The following ANO2 variants were observed in gnomAD, a reference collection of about 807,000 sequenced individuals.
ANO2 encodes the protein anoctamin-2.
In ANO2, 101 loss-of-function variants were observed where a neutral mutation model predicts 124.2. The ratio of observed to expected loss-of-function variants is 0.81; its 90% CI spans 0.69 to 0.96. The LOEUF is 0.96. ANO2 is among the 40% of genes least tolerant of loss of function. The pLI is 0.00. For missense variants in ANO2, 1,293 were observed against 1,274.5 expected, an observed-to-expected ratio of 1.01 and a Z score of -0.22; for synonymous variants, 486 against 482.5, an observed-to-expected ratio of 1.01 and a Z score of -0.09.
intron 4 of ANO2, among the ~76,000 whole-genome samples, chr12:5,845,427 C>T (rs1954651295): frequency 1.3e-5 from 2 of 151,728 alleles, no homozygotes; most frequent in Non-Finnish European, 2.9e-5. Flanking sequence ...ATTAGCTGGG[C>T]GTGGTGGCAG....
intron 14 of ANO2, among the ~76,000 whole-genome samples, chr12:5,712,747 G>A (rs751422731): frequency 1.3e-5 from 2 of 152,158 alleles, no homozygotes; most frequent in African/African-American, 2.4e-5. Flanking sequence ...AGTTTTCTAG[G>A]ACAAGAAGGA....
chr12:5,748,575 G>A (rs1278247479), intron 11 of ANO2, among the ~76,000 whole-genome samples: 1 of 152,130 alleles, frequency 6.6e-6, no homozygotes, highest in Admixed American at 6.5e-5. Flanking sequence ...TGTAGCATAA[G>A]TTTCTCAATC....
intron 23 of ANO2, among the ~76,000 whole-genome samples, chr12:5,566,015 TG>T (rs1941727897): frequency 6.6e-6 from 1 of 152,194 alleles, no homozygotes; most frequent in African/African-American, 2.4e-5. Context: ...CCCACTAGCC[TG>T]TGGCCTCTGT....
chr12:5,781,420 C>T (rs780053412), intron 10 of ANO2, among the ~76,000 whole-genome samples: 72 of 152,298 alleles, frequency 4.7e-4, no homozygotes, highest in Middle Eastern at 3.4e-3. Context: ...AGCTGAGTCT[C>T]TGGATTCTGT....
intron 14 of ANO2, among the ~76,000 whole-genome samples, chr12:5,656,973 C>T (rs1315111631): frequency 1.3e-5 from 2 of 152,156 alleles, no homozygotes; most frequent in East Asian, 1.9e-4. Context: ...AGGTCATCTA[C>T]GGATTGGGAG....
At chr12:5,661,320 A>T (rs1219329919) in intron 14 of ANO2, among the ~76,000 whole-genome samples, 1 of 152,142 alleles carries the variant, frequency 6.6e-6, no homozygotes, top group East Asian at 1.9e-4. Context: ...ACCTTAGAGC[A>T]TTTGTTTAAA....
chr12:5,657,149 C>T (rs1222929766), intron 14 of ANO2, among the ~76,000 whole-genome samples: 1 of 152,212 alleles, frequency 6.6e-6, no homozygotes, highest in East Asian at 1.9e-4. Flanking sequence ...CAGATAGGAG[C>T]TGGTCCCAGA....
chr12:5,631,503 G>A (rs1261461706), intron 16 of ANO2, among the ~76,000 whole-genome samples: 25 of 152,320 alleles, frequency 1.6e-4, no homozygotes, highest in Admixed American at 1.6e-3. Flanking sequence ...AGCAAAATGA[G>A]AGCAGGGACC....
chr12:5,671,441 TACAAAGAAAGAG>T (rs1947997307), intron 14 of ANO2, among the ~76,000 whole-genome samples: 1 of 121,394 alleles, frequency 8.2e-6, no homozygotes, highest in Non-Finnish European at 1.6e-5. Flanking sequence ...TGCTCTACAG[TACAAAGAAAGAG>T]AGGTTTTCTC....
intron 14 of ANO2, among the ~76,000 whole-genome samples, chr12:5,680,300 G>A (rs565636832): frequency 1.3e-5 from 2 of 152,126 alleles, no homozygotes; most frequent in African/African-American, 4.8e-5. Context: ...TAAAATAAAA[G>A]TTAATGAAAA....
At chr12:5,612,611 A>G (rs1944595982) in intron 19 of ANO2, 45 bp downstream of exon 19, 1 of 1,555,246 alleles carries the variant, frequency 6.4e-7, no homozygotes, top group East Asian at 2.2e-5. Flanking sequence ...CTTCTGGGCT[A>G]ACCCCTGGCA....
chr12:5,639,708 G>A (rs577133331), intron 15 of ANO2, among the ~76,000 whole-genome samples: 3 of 152,158 alleles, frequency 2.0e-5, no homozygotes, highest in Non-Finnish European at 2.9e-5. Context: ...CAGCCAGGAG[G>A]GGGCCCTGTA....
At chr12:5,840,009 C>A in intron 4 of ANO2, among the ~76,000 whole-genome samples, 1 of 152,124 alleles carries the variant, frequency 6.6e-6, no homozygotes, top group South Asian at 2.1e-4. Flanking sequence ...CCCAGGCTCT[C>A]CTCTTTACTT....
intron 16 of ANO2, among the ~76,000 whole-genome samples, chr12:5,628,687 T>TGTGTGC (rs989599957): frequency 5.5e-5 from 8 of 145,890 alleles, no homozygotes; most frequent in African/African-American, 2.2e-4. Context: ...TGTGTGTGTG[T>TGTGTGC]GCGCGCGCGC....
At chr12:5,678,876 G>A (rs1948371497) in intron 14 of ANO2, among the ~76,000 whole-genome samples, 1 of 143,682 alleles carries the variant, frequency 7.0e-6, no homozygotes, top group South Asian at 2.2e-4. Flanking sequence ...TGCCTAGCAA[G>A]GTTGGCTGAA....
Position 5,694,349 on chromosome 12 carries a change from G to A in ANO2, c.1545+38171C>T, listed in dbSNP as rs148752236. Among the ~76,000 whole-genome samples, 474 of 151,876 alleles carry A rather than the reference G, an allele frequency of 3.1e-3. 3 individuals carry two copies. The highest frequency in any genetic ancestry group is 0.011 in the African/African-American group (453 of 41,408). On this transcript the variant is annotated intron_variant, in intron 14 of 24. Coordinates refer to ENST00000682330, the MANE Select transcript of ANO2 (RefSeq NM_001364791.2). ...AGGAGAGAGAAGGAGAAAGCCACAG[G>A]AGAGAGAAAGAGTGTCAGATACAGG...
chr12:5,566,941 G>C (rs1941800237), intron 23 of ANO2, among the ~76,000 whole-genome samples: 1 of 152,212 alleles, frequency 6.6e-6, no homozygotes, highest in African/African-American at 2.4e-5. Context: ...TGAATTAGCT[G>C]CTCTAAAAGG....
At chr12:5,677,917 C>A (rs1358533970) in intron 14 of ANO2, among the ~76,000 whole-genome samples, 2 of 152,128 alleles carry the variant, frequency 1.3e-5, no homozygotes, top group Non-Finnish European at 2.9e-5. Context: ...AAGGGACGAG[C>A]AGCAGAGTGG....
intron 10 of ANO2, among the ~76,000 whole-genome samples, chr12:5,792,387 C>T (rs1952723768): frequency 6.6e-6 from 1 of 152,228 alleles, no homozygotes; most frequent in Admixed American, 6.5e-5. Flanking sequence ...GACGCCTCTC[C>T]AAATCCTTGA....
Sources: gnomAD v4.1 joint callset for allele counts (sites outside exome capture counted in the v4.1 genomes callset) on GRCh38, gnomAD v4.1.1 for gene constraint, MANE v1.5 for transcripts, NCBI Gene and HGNC (gene_info 2026-07-23, HGNC 2026-07-21) for gene names.